Variants in MPDZ observed in about 807,000 individuals in gnomAD.
MPDZ encodes the protein multiple PDZ domain protein.
In MPDZ, 234 loss-of-function variants were observed where a neutral mutation model predicts 239.1. The observed-to-expected ratio is 0.98, with a 90% CI of 0.88 to 1.09. The LOEUF (loss-of-function observed/expected upper bound fraction) is 1.09. Ranked by LOEUF, MPDZ falls within the 50% of genes least tolerant of loss-of-function variation. MPDZ has a pLI of 0.00. For missense variants in MPDZ, 3,175 were observed against 2,510.0 expected, an observed-to-expected ratio of 1.26 and a Z score of -5.66; for synonymous variants, 1,048 against 881.3, an observed-to-expected ratio of 1.19 and a Z score of -3.35.
chr9:13,119,943 G>A (rs570266934), intron 38 of MPDZ: 5 of 335,554 alleles, frequency 1.5e-5, no homozygotes, highest in Non-Finnish European at 2.2e-5. Flanking sequence ...GGGTCACTCG[G>A]CTACTAAGTG....
chr9:13,212,729 T>C (rs1336996624), intron 10 of MPDZ, among the ~76,000 whole-genome samples: 1 of 150,082 alleles, frequency 6.7e-6, no homozygotes, highest in Non-Finnish European at 1.5e-5. Context: ...TCACAGCACT[T>C]TGGTAGGCAG....
rs2130900202 is a variant in MPDZ, at chr9:13,106,466, A to G, written c.*499T>C. On this transcript the variant is annotated 3_prime_UTR_variant, in exon 47 of 47. Coordinates refer to ENST00000319217, the MANE Select transcript of MPDZ (RefSeq NM_001378778.1). Reference sequence around the variant, plus strand: ...TAAAATACTGACAGTATTTTTAAAGATTTTCATTAGAAAACCTTTTTTTCT... The same window carrying G: ...TAAAATACTGACAGTATTTTTAAAGGTTTTCATTAGAAAACCTTTTTTTCT... The G allele has an allele frequency of 6.6e-6, 1 of 152,134 alleles. No homozygotes were observed. The highest frequency in any genetic ancestry group is 2.4e-5 in the African/African-American group (1 of 41,508). The allele number at this position is 152,134 out of a possible 1,614,324, so 9.4% of individuals were successfully genotyped here.
In MPDZ at chr9:13,121,715, T is replaced by C. The variant is rs750394530; in HGVS notation, c.5231+24A>G. 5 of 1,612,406 alleles carry C rather than the reference T, an allele frequency of 3.1e-6. No homozygotes were observed. The East Asian group carries it at 1.1e-4, about 36-fold the overall frequency. ...AGTCCCATCATTTCCAAGGGAGCAT[T>C]GGGTTTGTCCTCCTCAATCACACCT... On this transcript the variant is annotated intron_variant, in intron 38 of 46. Coordinates refer to ENST00000319217, the MANE Select transcript of MPDZ (RefSeq NM_001378778.1).
Position 13,138,043 on chromosome 9 carries a change from T to C in MPDZ, c.4114A>G (p.Arg1372Gly), listed in dbSNP as rs2132357402. 1.2e-6 allele frequency: 2 copies of C among 1,613,928 alleles called. No individual in the cohort carries two copies. Among genetic ancestry groups the C allele is most frequent in the Non-Finnish European group, 8.5e-7 (1 of 1,179,814 alleles). ...LSLAGNKDRS[R>G]MSVFIVGIDP... ...ATCCCCACTATGAAGACACTCATCC[T>C]GGATCGGTCTTTGTTCCCAGCAAGA... Residue 1372 changes from arginine (R) to glycine (G), a missense_variant, in exon 29 of 47, where the codon AGG becomes GGG. Transcript: ENST00000319217.
intron 15 of MPDZ, among the ~76,000 whole-genome samples, chr9:13,191,422 T>C (rs1159657457): frequency 6.6e-6 from 1 of 152,022 alleles, no homozygotes; most frequent in Non-Finnish European, 1.5e-5. Context: ...TTTAGCTATG[T>C]ATTGTGTATC....
At chr9:13,238,557 C>A (rs1211098077) in intron 3 of MPDZ, among the ~76,000 whole-genome samples, 1 of 152,164 alleles carries the variant, frequency 6.6e-6, no homozygotes, top group Non-Finnish European at 1.5e-5. Context: ...CCTCAACCCA[C>A]CCACATGTGT....
At chr9:13,263,598 C>T (rs779387093) in intron 1 of MPDZ, among the ~76,000 whole-genome samples, 32 of 152,182 alleles carry the variant, frequency 2.1e-4, no homozygotes, top group African/African-American at 6.5e-4. Flanking sequence ...CTATTAAAAA[C>T]GAAGCTTTAT....
At chr9:13,213,512 A>T (rs1441903702) in intron 10 of MPDZ, among the ~76,000 whole-genome samples, 1 of 152,056 alleles carries the variant, frequency 6.6e-6, no homozygotes, top group Non-Finnish European at 1.5e-5. Flanking sequence ...GATGTGAAGA[A>T]CATTACTGCA....
Position 13,186,401 on chromosome 9 carries a change from T to A in MPDZ, c.2365-15A>T. ...TCTGGTGAAAGCTGCAGGGAAAAAA[T>A]GGTATTCATGGAAAAGAGAGAGAAC... On this transcript the variant is annotated splice_polypyrimidine_tract_variant and intron_variant, in intron 17 of 46. Transcript: ENST00000319217. 6.7e-7 allele frequency: 1 copy of A among 1,491,972 alleles called. No homozygotes were observed. The highest frequency in any genetic ancestry group is 9.2e-7 in the Non-Finnish European group (1 of 1,092,880). 92.4% of individuals were successfully genotyped at this position (1,491,972 alleles called of 1,614,324 possible).
At chr9:13,155,390 T>C (rs1949695024) in intron 24 of MPDZ, among the ~76,000 whole-genome samples, 1 of 152,128 alleles carries the variant, frequency 6.6e-6, no homozygotes, top group Admixed American at 6.6e-5. Flanking sequence ...CTGAACAGAA[T>C]TATTATAATA....
chr9:13,133,985 CA>C (rs1563870933), intron 31 of MPDZ, 81 bp from the exon 32 acceptor site: 1 of 564,994 alleles, frequency 1.8e-6, no homozygotes, highest in South Asian at 6.1e-5. Context: ...GCCACTTATT[CA>C]AAATTATTTT....
At chr9:13,200,111 A>G (rs1413504206) in intron 12 of MPDZ, among the ~76,000 whole-genome samples, 1 of 151,734 alleles carries the variant, frequency 6.6e-6, no homozygotes, top group Non-Finnish European at 1.5e-5. Flanking sequence ...TTTTATTACC[A>G]ACTCAATCTT....
intron 2 of MPDZ, among the ~76,000 whole-genome samples, chr9:13,249,496 G>C (rs916981507): frequency 3.3e-5 from 5 of 152,090 alleles, no homozygotes; most frequent in African/African-American, 1.2e-4. Context: ...AGTCATCATA[G>C]TGATCCCACG....
At chr9:13,231,815 C>G (rs1183070410) in intron 3 of MPDZ, among the ~76,000 whole-genome samples, 1 of 151,864 alleles carries the variant, frequency 6.6e-6, no homozygotes, top group African/African-American at 2.4e-5. Flanking sequence ...AGCTATAGAT[C>G]ATAAACATAA....
At chr9:13,236,136 A>C (rs1963872044) in intron 3 of MPDZ, among the ~76,000 whole-genome samples, 1 of 149,154 alleles carries the variant, frequency 6.7e-6, no homozygotes, top group Non-Finnish European at 1.5e-5. Context: ...TTTTATTAAA[A>C]TCAATCCACA....
chr9:13,259,475 AATG>A (rs1175044369), intron 1 of MPDZ, among the ~76,000 whole-genome samples: 2 of 152,210 alleles, frequency 1.3e-5, no homozygotes, highest in Non-Finnish European at 2.9e-5. Context: ...GCATTGGAGA[AATG>A]ATGATACAAC....
At chr9:13,159,760 C>T (rs1332528233) in intron 23 of MPDZ, among the ~76,000 whole-genome samples, 1 of 152,094 alleles carries the variant, frequency 6.6e-6, no homozygotes, top group Non-Finnish European at 1.5e-5. Context: ...AATACAAGGA[C>T]CCCAGTCTCT....
intron 8 of MPDZ, among the ~76,000 whole-genome samples, chr9:13,219,208 CAG>C (rs1480418067): frequency 6.6e-6 from 1 of 151,908 alleles, no homozygotes; most frequent in African/African-American, 2.4e-5. Flanking sequence ...ACCCACCTTA[CAG>C]AGAGTCTTCT....
chr9:13,173,419 C>G lies in MPDZ; in HGVS notation c.3055+2333G>C, dbSNP rs1952038493. Among the ~76,000 whole-genome samples, 3 of 151,962 alleles carry G rather than the reference C, an allele frequency of 2.0e-5. No homozygotes were observed. The South Asian group carries it at 6.3e-4, about 32-fold the overall frequency. ...TTACAATTAATTAAAAATTGGTAAGCAGGCCGGGCAGGGTGACTCGTGCCT... is the reference window on the plus strand; with the variant it reads ...TTACAATTAATTAAAAATTGGTAAGGAGGCCGGGCAGGGTGACTCGTGCCT... On this transcript the variant is annotated intron_variant, in intron 21 of 46. Transcript: ENST00000319217.
Sources: gnomAD v4.1 joint callset for allele counts (sites outside exome capture counted in the v4.1 genomes callset) on GRCh38, gnomAD v4.1.1 for gene constraint, MANE v1.5 for transcripts, NCBI Gene and HGNC (gene_info 2026-07-23, HGNC 2026-07-21) for gene names.